Variants in NLRP14 observed in about 807,000 individuals in gnomAD.
NLRP14 encodes the protein NACHT, LRR and PYD domains-containing protein 14.
In NLRP14, 105 loss-of-function variants were observed where a neutral mutation model predicts 94.7. That is an observed-to-expected ratio of 1.11 (90% confidence interval 0.95 to 1.30). The LOEUF (loss-of-function observed/expected upper bound fraction) is 1.30. Ranked by LOEUF, NLRP14 falls within the 50% of genes most tolerant of loss-of-function variation. The probability of loss-of-function intolerance (pLI) is 0.00; values close to 1 mark genes in which losing one functional copy is unlikely to be tolerated. For synonymous variants in NLRP14, 508 were observed against 459.9 expected (o/e 1.10, Z -1.34); for missense variants, 1,362 against 1,254.1 (o/e 1.09, Z -1.30).
At chr11:7,089,562 A>G in the NLRP14 span, 3 of 1,192,050 alleles carry the variant, frequency 2.5e-6, no homozygotes, top group Non-Finnish European at 3.1e-6. Context: ...CCCGATGCCC[A>G]TGAAGCGTGG....
the NLRP14 span, chr11:7,089,091 C>A: frequency 1.2e-6 from 2 of 1,604,248 alleles, no homozygotes; most frequent in Non-Finnish European, 1.7e-6. Flanking sequence ...CGCCTCCCAC[C>A]GCCACTGACC....
intron 9 of NLRP14, among the ~76,000 whole-genome samples, chr11:7,061,344 A>G (rs534287836): frequency 3.3e-5 from 5 of 152,230 alleles, no homozygotes; most frequent in African/African-American, 7.2e-5. Context: ...GTTAAATCCA[A>G]TGTCTTCATT....
intron 6 of NLRP14, among the ~76,000 whole-genome samples, chr11:7,055,338 A>G (rs1852502188): frequency 6.6e-6 from 1 of 152,116 alleles, no homozygotes; most frequent in African/African-American, 2.4e-5. Flanking sequence ...AGCTCCTGCA[A>G]CCATATAGCT....
the NLRP14 span, chr11:7,090,046 A>G: frequency 2.5e-6 from 4 of 1,612,788 alleles, no homozygotes; most frequent in African/African-American, 2.7e-5. Context: ...GGCCGCTACG[A>G]GGAGTACCGG....
At chr11:7,026,360 C>A (rs1488999689) in intron 1 of NLRP14, among the ~76,000 whole-genome samples, 1 of 152,190 alleles carries the variant, frequency 6.6e-6, no homozygotes, top group Non-Finnish European at 1.5e-5. Context: ...TGAACAGACA[C>A]TCCTCAAAAG....
chr11:7,081,989 C>T, the NLRP14 span, among the ~76,000 whole-genome samples: 23,076 of 152,092 alleles, frequency 0.15, 2,163 homozygotes, highest in Non-Finnish European at 0.21. Context: ...AGGGCCCCCA[C>T]CATGAATCAC....
the NLRP14 span, chr11:7,090,351 G>T: frequency 1.2e-5 from 19 of 1,532,898 alleles, no homozygotes; most frequent in Non-Finnish European, 1.7e-5. Flanking sequence ...CTAACAAAAA[G>T]AAGAACCTGT....
chr11:7,062,199 C>T, intron 9 of NLRP14, 134 bp from the exon 10 acceptor site: 2 of 735,910 alleles, frequency 2.7e-6, no homozygotes, highest in Non-Finnish European at 4.7e-6. Flanking sequence ...AAATTAGACC[C>T]TCCCATGTAT....
chr11:7,052,521 T>A (rs1852455210), intron 6 of NLRP14, among the ~76,000 whole-genome samples: 1 of 152,094 alleles, frequency 6.6e-6, no homozygotes, highest in Admixed American at 6.5e-5. Context: ...TAATCCCAGC[T>A]ACTCAGGAGG....
chr11:7,055,233 A>C (rs1040864059), intron 6 of NLRP14, among the ~76,000 whole-genome samples: 5 of 152,144 alleles, frequency 3.3e-5, no homozygotes, highest in African/African-American at 1.2e-4. Flanking sequence ...GAATAGGCCC[A>C]TGAAGCCTAT....
chr11:7,072,395 C>G (rs1006929823), downstream of NLRP14, among the ~76,000 whole-genome samples: 3 of 152,218 alleles, frequency 2.0e-5, no homozygotes, highest in Admixed American at 6.5e-5. Flanking sequence ...GGAAAGAATT[C>G]AACTGAGAGG....
the NLRP14 span, among the ~76,000 whole-genome samples, chr11:7,082,746 A>C: frequency 6.6e-6 from 1 of 152,322 alleles, no homozygotes; most frequent in African/African-American, 2.4e-5. Context: ...TGCTGGTCTA[A>C]TTGCAGGCAG....
chr11:7,024,995 G>A (rs1851995600), intron 1 of NLRP14, among the ~76,000 whole-genome samples: 1 of 151,998 alleles, frequency 6.6e-6, no homozygotes, highest in Non-Finnish European at 1.5e-5. Flanking sequence ...AAAAAAGAAA[G>A]AGGAGTTTAT....
chr11:7,051,973 T>C (rs1852447356), intron 6 of NLRP14, among the ~76,000 whole-genome samples: 1 of 152,194 alleles, frequency 6.6e-6, no homozygotes, highest in South Asian at 2.1e-4. Context: ...ACCCAAGGCC[T>C]CCCTCAAGAA....
Position 7,043,032 on chromosome 11 carries a change from G to C in NLRP14, c.1006G>C (p.Glu336Gln), listed in dbSNP as rs765419131. 6 of 1,614,064 alleles carry C rather than the reference G, an allele frequency of 3.7e-6. No individual in the cohort carries two copies. Among genetic ancestry groups the C allele is most frequent in the East Asian group, 4.5e-5 (2 of 44,906 alleles). ...ACTAGGAATGTCTGAGGATGCAAGA[G>C]AGGAGTATATTTACCAGTTTTTTGA... ...ELLGMSEDAR[E>Q]EYIYQFFEDK... Residue 336 changes from glutamate to glutamine, a missense_variant, in exon 4 of 12, where the codon GAG becomes CAG. Physicochemically the swap from Glu to Gln is conservative, Grantham distance 29. Coordinates refer to ENST00000299481, the MANE Select transcript of NLRP14 (RefSeq NM_176822.4).
chr11:7,025,334 T>G (rs528919859), intron 1 of NLRP14, among the ~76,000 whole-genome samples: 1 of 152,260 alleles, frequency 6.6e-6, no homozygotes, highest in South Asian at 2.1e-4. Flanking sequence ...CTCTCCCTAA[T>G]GTAGTGAAAT....
At chr11:7,068,274 A>G (rs1852737381) in intron 10 of NLRP14, among the ~76,000 whole-genome samples, 1 of 152,038 alleles carries the variant, frequency 6.6e-6, no homozygotes, top group Non-Finnish European at 1.5e-5. Context: ...GGTTTATTTT[A>G]CCATTTACTA....
At chr11:7,089,974 G>T in the NLRP14 span, 2 of 1,613,154 alleles carry the variant, frequency 1.2e-6, no homozygotes, top group Non-Finnish European at 1.7e-6. Context: ...CCCTTTGAGA[G>T]CTACGGAGAG....
intron 1 of NLRP14, among the ~76,000 whole-genome samples, chr11:7,022,738 T>A (rs1851964529): frequency 6.6e-6 from 1 of 152,154 alleles, no homozygotes; most frequent in Admixed American, 6.5e-5. Flanking sequence ...GATACCCAAC[T>A]AGAATTCCTG....
Sources: gnomAD v4.1 joint callset for allele counts (sites outside exome capture counted in the v4.1 genomes callset) on GRCh38, gnomAD v4.1.1 for gene constraint, MANE v1.5 for transcripts, NCBI Gene and HGNC (gene_info 2026-07-23, HGNC 2026-07-21) for gene names.